Variants in SPARC observed in about 807,000 individuals in gnomAD.
SPARC encodes secreted protein acidic and cysteine rich.
Under a neutral mutation model 37.7 loss-of-function variants are expected in SPARC, and 23 were observed. The observed-to-expected ratio is 0.61, with a 90% CI of 0.44 to 0.87. The LOEUF is 0.87. SPARC is among the 40% of genes least tolerant of loss of function. The pLI, the probability that SPARC is intolerant of heterozygous loss-of-function variation, is 0.00. For missense variants in SPARC, 312 were observed against 389.0 expected, an observed-to-expected ratio of 0.80 and a Z score of 1.66; for synonymous variants, 155 against 150.8, an observed-to-expected ratio of 1.03 and a Z score of -0.20.
intron 1 of SPARC, among the ~76,000 whole-genome samples, chr5:151,676,523 T>G (rs1581527952): frequency 6.6e-6 from 1 of 152,322 alleles, no homozygotes; most frequent in East Asian, 1.9e-4. Context: ...TTTGTTTTTT[T>G]TATGTGTTTG....
intron 8 of SPARC, among the ~76,000 whole-genome samples, chr5:151,665,974 C>T (rs2113084768): frequency 6.6e-6 from 1 of 152,296 alleles, no homozygotes; most frequent in Non-Finnish European, 1.5e-5. Flanking sequence ...TTAGACAGTG[C>T]CAGGTGGCTG....
rs1261558380 is a variant in SPARC at position 151,663,094 on chromosome 5, C to G, written c.*477G>C. On this transcript the variant is annotated 3_prime_UTR_variant, in exon 10 of 10. Coordinates refer to ENST00000231061, the MANE Select transcript of SPARC (RefSeq NM_003118.4). ...ACCACTGAGCCTCTAGTCCCAAAACCATCCTTGACAACATCGTGTGTCTGT... is the reference window on the plus strand; with the variant it reads ...ACCACTGAGCCTCTAGTCCCAAAACGATCCTTGACAACATCGTGTGTCTGT... 6.4e-6 allele frequency: 1 copy of G among 156,106 alleles called. No individual in the cohort carries two copies. The highest frequency in any genetic ancestry group is 1.9e-4 in the East Asian group (1 of 5,268). The allele number at this position is 156,106 out of a possible 1,614,324, so 9.7% of individuals were successfully genotyped here.
intron 6 of SPARC, among the ~76,000 whole-genome samples, chr5:151,668,150 T>C (rs1488471928): frequency 1.0e-5 from 1 of 96,950 alleles, no homozygotes; most frequent in Non-Finnish European, 2.4e-5. Context: ...TTTTTTCTTT[T>C]TTTCTTCTTT....
intron 1 of SPARC, among the ~76,000 whole-genome samples, chr5:151,678,146 C>G (rs2347128): frequency 0.46 from 70,273 of 151,962 alleles, 16,782 homozygotes; most frequent in Admixed American, 0.54. Context: ...CAAAACAAAA[C>G]AAAAAGTTAC....
At chr5:151,685,034 C>G (rs1761097501) in intron 1 of SPARC, 1 of 152,122 alleles carries the variant, frequency 6.6e-6, no homozygotes, top group Admixed American at 6.5e-5. Flanking sequence ...TCCCCTCCAG[C>G]CAGCAGGCAG....
intron 3 of SPARC, among the ~76,000 whole-genome samples, chr5:151,674,105 G>A (rs1028783115): frequency 5.9e-5 from 9 of 151,784 alleles, no homozygotes; most frequent in African/African-American, 2.2e-4. Context: ...TCCACCTCCC[G>A]GGTTCAAGCG....
Position 151,671,596 on chromosome 5 carries a change from C to A in SPARC, c.307G>T (p.Ala103Ser), listed in dbSNP as rs148618359. Residue 103 changes from alanine (A) to serine (S), a missense_variant, in exon 5 of 10, where the codon GCC becomes TCC. By Grantham distance (99) the Ala-to-Ser change is moderately conservative. Transcript: ENST00000231061. Reference protein sequence around the residue: ...CVCQDPTSCPAPIGEFEKVCS... With the variant: ...CVCQDPTSCPSPIGEFEKVCS... ...ACCTTCTCAAACTCGCCAATGGGGG[C>A]TGGGCAGCTGGTGGGGTCCTGGCAC... is the stretch of plus-strand genomic sequence containing the variant. 13 of 1,589,390 alleles carry A rather than the reference C, an allele frequency of 8.2e-6. No individual in the cohort carries two copies. In the African/African-American group the frequency reaches 1.5e-4, roughly 18 times the overall value.
chr5:151,678,988 G>A (rs938611752), intron 1 of SPARC: 6 of 152,156 alleles, frequency 3.9e-5, no homozygotes, highest in Admixed American at 1.3e-4. Context: ...AAAGAGCCCT[G>A]TGTCCATCCT....
rs199756185 is a variant in SPARC at position 151,674,604 on chromosome 5, C to A, written c.120+8G>T. On this transcript the variant is annotated splice_region_variant and intron_variant, in intron 3 of 9. Coordinates refer to ENST00000231061, the MANE Select transcript of SPARC (RefSeq NM_003118.4). ...GGGGCTAAGGGGCTGCGGTCACTGC[C>A]CACATACCTCAGTCACCTCTGCCAC... 2,549 of 1,613,750 alleles carry A rather than the reference C, an allele frequency of 1.6e-3. 50 individuals are homozygous for A. In the South Asian group the frequency reaches 0.022, roughly 14 times the overall value.
chr5:151,680,252 G>A (rs754481158), intron 1 of SPARC, among the ~76,000 whole-genome samples: 41 of 88,426 alleles, frequency 4.6e-4, no homozygotes, highest in Non-Finnish European at 6.3e-4. Flanking sequence ...TTTGAGACAC[G>A]GTCTCCCTCT....
At chr5:151,680,855 T>C (rs968041772) in intron 1 of SPARC, among the ~76,000 whole-genome samples, 2 of 152,212 alleles carry the variant, frequency 1.3e-5, no homozygotes, top group African/African-American at 4.8e-5. Context: ...AAGAGCATCT[T>C]ATAAAGTCCG....
chr5:151,662,792 C>G lies in SPARC; in HGVS notation c.*779G>C, dbSNP rs1463860240. ...AACAGCCTGGCAGTCCCTAGAGCCC[C>G]TGAGAAGAGCCCTGGTTCTCCAAAA... On this transcript the variant is annotated 3_prime_UTR_variant, in exon 10 of 10. Transcript: ENST00000231061. 6.6e-6 allele frequency: 1 copy of G among 152,240 alleles called. No homozygotes were observed. Among genetic ancestry groups the G allele is most frequent in the African/African-American group, 2.4e-5 (1 of 41,444 alleles). 9.4% of individuals were successfully genotyped at this position (152,240 alleles called of 1,614,324 possible). A position where few individuals can be genotyped will look rare whatever the true frequency, so the allele number is the denominator to read the frequency against.
At chr5:151,669,513 T>A in intron 6 of SPARC, 151 bp downstream of exon 6, 8 of 929,144 alleles carry the variant, frequency 8.6e-6, no homozygotes, top group Non-Finnish European at 1.3e-5. Context: ...CATAGACAAT[T>A]ACCTCATTTT....
intron 8 of SPARC, among the ~76,000 whole-genome samples, chr5:151,665,698 A>T (rs1760605031): frequency 6.6e-6 from 1 of 152,226 alleles, no homozygotes; most frequent in Non-Finnish European, 1.5e-5. Context: ...ACAGAGTATA[A>T]GTCCATGAGG....
chr5:151,667,449 G>A lies in SPARC; in HGVS notation c.585+18C>T, dbSNP rs746070926. On this transcript the variant is annotated intron_variant, in intron 7 of 9. Transcript: ENST00000231061. ...TCTTCACCAGCACGGGGCCAGCAAG[G>A]CCAGAGAGACCACTTACCCGCAGCT... 6.2e-7 allele frequency: 1 copy of A among 1,614,038 alleles called. No individual in the cohort carries two copies. Among genetic ancestry groups the A allele is most frequent in the Non-Finnish European group, 8.5e-7 (1 of 1,179,942 alleles).
At chr5:151,664,263 T>A (rs780749199) in intron 8 of SPARC, 28 bp from the exon 9 acceptor site, 1 of 1,605,370 alleles carries the variant, frequency 6.2e-7, no homozygotes, top group Non-Finnish European at 8.5e-7. Context: ...GGGGAGGGCC[T>A]GAGGCATGGA....
At chr5:151,684,367 A>C (rs1031711876) in intron 1 of SPARC, among the ~76,000 whole-genome samples, 8 of 151,936 alleles carry the variant, frequency 5.3e-5, no homozygotes, top group African/African-American at 1.9e-4. Context: ...TGCAGCCTCA[A>C]GAGAGGAAGT....
intron 9 of SPARC, 80 bp from the exon 10 acceptor site, chr5:151,663,679 C>T: frequency 7.2e-7 from 1 of 1,398,180 alleles, no homozygotes; most frequent in Non-Finnish European, 1.0e-6. Context: ...AGTGGACTCC[C>T]ACCCATCCCC....
At chr5:151,679,346 T>G (rs1177386747) in intron 1 of SPARC, 1 of 152,160 alleles carries the variant, frequency 6.6e-6, no homozygotes, top group Non-Finnish European at 1.5e-5. Context: ...AGTGAGTGAG[T>G]GACTGGGTGG....
Sources: gnomAD v4.1 joint callset for allele counts (sites outside exome capture counted in the v4.1 genomes callset) on GRCh38, gnomAD v4.1.1 for gene constraint, MANE v1.5 for transcripts, NCBI Gene and HGNC (gene_info 2026-07-23, HGNC 2026-07-21) for gene names.